Variants in ASAH1 observed in about 807,000 individuals in gnomAD.
The protein encoded by ASAH1 is N-acylsphingosine amidohydrolase 1.
A neutral mutation model predicts 59.5 loss-of-function variants in ASAH1; 70 were observed. That is an observed-to-expected ratio of 1.18 (90% CI 0.97 to 1.43). The LOEUF (loss-of-function observed/expected upper bound fraction) is 1.43, where lower values mean the gene tolerates loss of function less well. ASAH1 is among the 40% of genes most tolerant of loss of function. The pLI is 0.00. For synonymous variants in ASAH1, 213 were observed against 166.5 expected, an observed-to-expected ratio of 1.28 and a Z score of -2.15; for missense variants, 660 against 482.5, an observed-to-expected ratio of 1.37 and a Z score of -3.45.
At chr8:18,082,443 T>C (rs1800692193) in intron 1 of ASAH1, 1 of 152,164 alleles carries the variant, frequency 6.6e-6, no homozygotes, top group Non-Finnish European at 1.5e-5. Flanking sequence ...CTACGTCGGA[T>C]AAGATTATTC....
chr8:18,084,673 C>T (rs757727291), upstream of ASAH1: 15 of 1,613,310 alleles, frequency 9.3e-6, no homozygotes, highest in African/African-American at 1.3e-5. Context: ...GTTGGTTACC[C>T]ACTTGGGCTT....
At chr8:18,084,292 G>C (rs1024990917), upstream of ASAH1, 1 of 1,435,246 alleles carries the variant, frequency 7.0e-7, no homozygotes, top group East Asian at 2.5e-5. Flanking sequence ...GCTACCTGCA[G>C]AAGGAGAGTC....
chr8:18,065,236 A>G (rs961652917), intron 5 of ASAH1: 2 of 151,782 alleles, frequency 1.3e-5, no homozygotes, highest in Non-Finnish European at 2.9e-5. Context: ...CACCACTTAT[A>G]CATCATGTTA....
rs2073573 is a variant in ASAH1, at chr8:18,064,164, G to T, written c.457+293C>A. The T allele has an allele frequency of 0.62, 328,532 of 527,900 alleles. 104,002 individuals carry two copies. Among genetic ancestry groups the T allele is most frequent in the African/African-American group, 0.72 (37,122 of 51,662 alleles). 32.7% of individuals were successfully genotyped at this position (527,900 alleles called of 1,614,324 possible). A position where few individuals can be genotyped will look rare whatever the true frequency, so the allele number is the denominator to read the frequency against. ...ACCTCCTGCGAGCACTTCCATCAAA[G>T]CATGTAGATGGGTAGAAGTAAACTA... On this transcript the variant is annotated intron_variant, in intron 6 of 13. Transcript: ENST00000637790.
At position 18,059,457 on chromosome 8, in the gene ASAH1, C is replaced by A; in HGVS notation, c.925G>T (p.Ala309Ser). The A allele has an allele frequency of 6.2e-7, 1 of 1,614,202 alleles. No individual in the cohort carries two copies. The highest frequency in any genetic ancestry group is 8.5e-7 in the Non-Finnish European group (1 of 1,180,044). The change falls in exon 12 of 14, where the codon GCT (alanine) becomes TCT (serine). Residue 309 changes from alanine (A) to serine (S), a missense_variant. Transcript: ENST00000637790. Reference sequence around the variant, plus strand: ...ACCACATACCATCTACCCTGCTTAGCATCGAGTCTAGATACAAAAGGAGAG... The same window carrying A: ...ACCACATACCATCTACCCTGCTTAGAATCGAGTCTAGATACAAAAGGAGAG... ...KESLDVYELD[A>S]KQGRWYVVQT...
chr8:18,057,374 A>G lies in ASAH1; in HGVS notation c.*160T>C, dbSNP rs574774. 34,591 of 478,720 alleles carry G rather than the reference A, an allele frequency of 0.072. 1,786 individuals are homozygous for G. The highest frequency in any genetic ancestry group is 0.18 in the African/African-American group (8,834 of 50,266). 29.7% of individuals were successfully genotyped at this position (478,720 alleles called of 1,614,324 possible). A position where few individuals can be genotyped will look rare whatever the true frequency, so the allele number is the denominator to read the frequency against. Reference sequence around the variant, plus strand: ...CAACTGATAGGGGGAAAAAAAAAAGATCTGTCATTTGTCAACAGATGGACG... The same window carrying G: ...CAACTGATAGGGGGAAAAAAAAAAGGTCTGTCATTTGTCAACAGATGGACG... On this transcript the variant is annotated 3_prime_UTR_variant, in exon 14 of 14. Coordinates refer to ENST00000637790, the MANE Select transcript of ASAH1 (RefSeq NM_177924.5).
At chr8:18,067,446 A>C in intron 4 of ASAH1, 148 bp from the exon 5 acceptor site, 1 of 373,734 alleles carries the variant, frequency 2.7e-6, no homozygotes, top group Non-Finnish European at 4.5e-6. Context: ...ATAATAAGTG[A>C]TAGGAATTAT....
intron 2 of ASAH1, among the ~76,000 whole-genome samples, chr8:18,074,581 A>C (rs1330920978): frequency 6.6e-6 from 1 of 152,190 alleles, no homozygotes; most frequent in African/African-American, 2.4e-5. Flanking sequence ...AGGGCAGTGT[A>C]GGAGAAAAAG....
rs144665720 is a variant in ASAH1 at position 18,059,853 on chromosome 8, G to C, written c.786-150C>G. ...AGGTACACACGTGCCATGGTGGTTT[G>C]CTGCACCCATCAACCCATCATCTAA... On this transcript the variant is annotated intron_variant, in intron 10 of 13. Transcript: ENST00000637790. 1,826 of 722,504 alleles carry C rather than the reference G, an allele frequency of 2.5e-3. 17 individuals carry two copies. In the African/African-American group the frequency reaches 0.027, roughly 11 times the overall value. The allele number at this position is 722,504 out of a possible 1,614,324, so 44.8% of individuals were successfully genotyped here. A position where few individuals can be genotyped will look rare whatever the true frequency, so the allele number is the denominator to read the frequency against.
At chr8:18,077,011 T>C (rs924849279) in intron 1 of ASAH1, among the ~76,000 whole-genome samples, 1 of 152,226 alleles carries the variant, frequency 6.6e-6, no homozygotes, top group African/African-American at 2.4e-5. Flanking sequence ...AAGCCATTCG[T>C]GTTCAGTAAT....
intron 1 of ASAH1, among the ~76,000 whole-genome samples, chr8:18,081,772 C>T (rs1330583023): frequency 6.6e-6 from 1 of 152,198 alleles, no homozygotes; most frequent in Non-Finnish European, 1.5e-5. Flanking sequence ...TCTTTTGTTA[C>T]CATGAGGCTA....
At chr8:18,063,976 G>C (rs561286005) in intron 6 of ASAH1, 1 of 191,834 alleles carries the variant, frequency 5.2e-6, no homozygotes, top group South Asian at 1.2e-4. Context: ...GGGTGAGTTA[G>C]CGAAGTTGTC....
intron 2 of ASAH1, among the ~76,000 whole-genome samples, chr8:18,071,945 T>C (rs1401474542): frequency 2.0e-5 from 3 of 152,216 alleles, no homozygotes; most frequent in Non-Finnish European, 4.4e-5. Flanking sequence ...CCCTACTATA[T>C]ACCTCTTCTC....
chr8:18,073,366 T>C (rs1800254943), intron 2 of ASAH1: 1 of 1,202,328 alleles, frequency 8.3e-7, no homozygotes, highest in Non-Finnish European at 1.2e-6. Context: ...CCTACTTCAC[T>C]GCAAACAAGA....
chr8:18,067,380 A>AC (rs1173283513), intron 4 of ASAH1, 82 bp from the exon 5 acceptor site: 6 of 889,296 alleles, frequency 6.7e-6, no homozygotes, highest in Non-Finnish European at 9.1e-6. Flanking sequence ...AATATAATAA[A>AC]AGCATGCTTT....
intron 5 of ASAH1, chr8:18,064,741 G>A (rs570407240): frequency 7.0e-5 from 38 of 541,060 alleles, no homozygotes; most frequent in East Asian, 1.2e-4. Flanking sequence ...GGCAGCCTTC[G>A]GGCGAGCTGA....
intron 3 of ASAH1, among the ~76,000 whole-genome samples, chr8:18,070,309 C>T (rs1273242054): frequency 6.6e-6 from 1 of 152,198 alleles, no homozygotes; most frequent in Non-Finnish European, 1.5e-5. Flanking sequence ...ACCACCATGC[C>T]TGGCTAATTT....
Position 18,058,840 on chromosome 8 carries a change from T to C in ASAH1, c.1093A>G (p.Asn365Asp). ...ACATATAACATTTAAAATACCTTGT[T>C]GAGGACAGGTTTTGTTGACAGGACA... ...YDVLSTKPVL[N>D]KLTVYTTLID... The change falls in exon 13 of 14, where the codon AAC (asparagine) becomes GAC (aspartate). Residue 365 changes from asparagine (N) to aspartate (D), a missense_variant. Transcript: ENST00000637790. The C allele has an allele frequency of 6.2e-7, 1 of 1,610,562 alleles. No individual in the cohort carries two copies. The highest frequency in any genetic ancestry group is 8.5e-7 in the Non-Finnish European group (1 of 1,176,750).
At chr8:18,062,477 A>G in intron 7 of ASAH1, 54 bp from the exon 8 acceptor site, 1 of 1,600,042 alleles carries the variant, frequency 6.2e-7, no homozygotes, top group Non-Finnish European at 8.6e-7. Context: ...AGTAATGATC[A>G]ACATGATGAT....
Sources: gnomAD v4.1 joint callset for allele counts (sites outside exome capture counted in the v4.1 genomes callset) on GRCh38, gnomAD v4.1.1 for gene constraint, MANE v1.5 for transcripts, NCBI Gene and HGNC (gene_info 2026-07-23, HGNC 2026-07-21) for gene names.